Variants in SLC22A24 observed in about 807,000 individuals in gnomAD.
SLC22A24 encodes the protein steroid transmembrane transporter SLC22A24.
Under a neutral mutation model 49.8 loss-of-function variants are expected in SLC22A24, and 53 were observed. The observed-to-expected ratio is 1.06, with a 90% CI of 0.85 to 1.34. SLC22A24 has a LOEUF of 1.34. Among genes scored for constraint, SLC22A24 ranks in the 40% most tolerant of loss-of-function variants. The pLI is 0.00. For missense variants in SLC22A24, 786 were observed against 675.9 expected (o/e 1.16, Z -1.81); for synonymous variants, 302 against 256.4 (o/e 1.18, Z -1.70).
chr11:63,080,497 T>G (rs1447555665), intron 9 of SLC22A24, among the ~76,000 whole-genome samples: 1 of 152,298 alleles, frequency 6.6e-6, no homozygotes, highest in African/African-American at 2.4e-5. Flanking sequence ...TAATTAGGTA[T>G]GAGGCAATCT....
intron 6 of SLC22A24, among the ~76,000 whole-genome samples, chr11:63,084,200 T>C (rs1285234964): frequency 6.6e-6 from 1 of 152,204 alleles, no homozygotes; most frequent in Non-Finnish European, 1.5e-5. Flanking sequence ...TTTCCATGTG[T>C]TTCCTGGACT....
rs1401037455 is a variant in SLC22A24 at position 63,081,591 on chromosome 11, A to G, written c.1361T>C (p.Val454Ala). The G allele has an allele frequency of 6.4e-7, 1 of 1,551,526 alleles. No homozygotes were observed. The highest frequency in any genetic ancestry group is 2.0e-5 in the Admixed American group (1 of 50,990). ...GGTGGGGACGAGCTCGTTGTGGTGG[A>G]CAGAAGCACTGTTGCTAGCAGCAGA... Reference protein sequence around the residue: ...SVSAASNSASVHHNELVPTIL... With the variant: ...SVSAASNSASAHHNELVPTIL... Residue 454 changes from valine (V) to alanine (A), a missense_variant, in exon 8 of 10, where the codon GTC (valine) becomes GCC (alanine). Transcript: ENST00000612278.
At chr11:63,097,454 G>A (rs1423871156) in intron 5 of SLC22A24, among the ~76,000 whole-genome samples, 2 of 152,254 alleles carry the variant, frequency 1.3e-5, no homozygotes, top group East Asian at 1.9e-4. Context: ...TGGAGAAATA[G>A]GAATGCTTTT....
intron 2 of SLC22A24, among the ~76,000 whole-genome samples, chr11:63,121,969 G>A (rs1210469477): frequency 6.6e-6 from 1 of 151,970 alleles, no homozygotes; most frequent in African/African-American, 2.4e-5. Context: ...GTGAAAGATG[G>A]GAATAGAAAC....
intron 2 of SLC22A24, among the ~76,000 whole-genome samples, chr11:63,125,844 G>A (rs1469729705): frequency 6.6e-6 from 1 of 152,082 alleles, no homozygotes; most frequent in East Asian, 1.9e-4. Flanking sequence ...TTAAATGATT[G>A]CCATTCTAAC....
Position 63,087,553 on chromosome 11 carries a change from G to A in SLC22A24, c.1071-4096C>T, listed in dbSNP as rs547374736. Among the ~76,000 whole-genome samples, 18 of 152,328 alleles carry A rather than the reference G, an allele frequency of 1.2e-4. No homozygotes were observed. The South Asian group carries it at 3.3e-3, about 28-fold the overall frequency. The stretch of plus-strand genomic sequence containing the variant: ...ATTTTTTCATATTCCAGTGGTGCCT[G>A]GAACCTTAGCAAGACAGAACCATTT... On this transcript the variant is annotated intron_variant, in intron 6 of 9. Coordinates refer to ENST00000612278, the MANE Select transcript of SLC22A24 (RefSeq NM_001136506.2).
intron 5 of SLC22A24, among the ~76,000 whole-genome samples, chr11:63,098,513 C>T (rs2134646973): frequency 6.6e-6 from 1 of 151,884 alleles, no homozygotes; most frequent in African/African-American, 2.4e-5. Flanking sequence ...ACTAAAAATG[C>T]AAAAATTAGC....
Position 63,083,250 on chromosome 11 carries a change from C to A in SLC22A24, c.1278G>T (p.Leu426Phe). 1 of 1,554,008 alleles carries A rather than the reference C, an allele frequency of 6.4e-7. No homozygotes were observed. The highest frequency in any genetic ancestry group is 1.2e-5 in the South Asian group (1 of 84,104). ...AACTCCTGTCTCTCTCACCTTGGGG[C>A]AAAAAGGTGTTGACCAGAATGAAAA... ...VGLFILVNTF[L>F]PQEMQILRVV... is the part of the protein sequence containing the mutation. The change falls in exon 7 of 10, where the codon TTG becomes TTT. Residue 426 changes from leucine (L) to phenylalanine (F), a missense_variant. Physicochemically the swap from Leu to Phe is conservative, Grantham distance 22 (BLOSUM62 0). Transcript: ENST00000612278.
At chr11:63,125,415 TTC>T (rs2087283090) in intron 2 of SLC22A24, among the ~76,000 whole-genome samples, 1 of 152,200 alleles carries the variant, frequency 6.6e-6, no homozygotes, top group African/African-American at 2.4e-5. Flanking sequence ...GTGTTTAGTT[TTC>T]TGTTCCTGTG....
intron 1 of SLC22A24, among the ~76,000 whole-genome samples, chr11:63,142,812 G>A (rs1405650764): frequency 6.6e-6 from 1 of 151,992 alleles, no homozygotes; most frequent in Non-Finnish European, 1.5e-5. Context: ...AGCACTCTTG[G>A]CTCACTGGCT....
At chr11:63,134,837 C>T (rs1447557058) in intron 1 of SLC22A24, 69 bp from the exon 2 acceptor site, 2 of 1,036,970 alleles carry the variant, frequency 1.9e-6, no homozygotes, top group Non-Finnish European at 2.9e-6. Context: ...AAACTGACTC[C>T]AAACTCCTAC....
intron 2 of SLC22A24, among the ~76,000 whole-genome samples, chr11:63,129,175 G>A (rs758789981): frequency 1.3e-5 from 2 of 152,180 alleles, no homozygotes; most frequent in Non-Finnish European, 1.5e-5. Flanking sequence ...AAGGGATCCA[G>A]TTTTAGCTTT....
At chr11:63,101,272 T>C (rs972078970) in intron 5 of SLC22A24, among the ~76,000 whole-genome samples, 11 of 151,948 alleles carry the variant, frequency 7.2e-5, no homozygotes, top group Non-Finnish European at 1.5e-5. Context: ...AAACTGAAGA[T>C]AGAACTACCA....
chr11:63,089,077 C>A (rs2087003670), intron 6 of SLC22A24, among the ~76,000 whole-genome samples: 1 of 152,068 alleles, frequency 6.6e-6, no homozygotes, highest in Admixed American at 6.6e-5. Context: ...CAGAGAACAA[C>A]ACTAAGATAC....
Position 63,116,309 on chromosome 11 carries a change from G to A in SLC22A24, c.830+2603C>T, listed in dbSNP as rs138152364. ...TTCTGTGCCATTTTTCGGACTGGTT[G>A]TGTTTGGTATGGTTCTTGGACTTGG... On this transcript the variant is annotated intron_variant, in intron 4 of 9. Transcript: ENST00000612278. 58 of 233,920 alleles carry A rather than the reference G, an allele frequency of 2.5e-4. No individual in the cohort carries two copies. The East Asian group carries it at 5.1e-3, about 21-fold the overall frequency. The allele number at this position is 233,920 out of a possible 1,614,324, so 14.5% of individuals were successfully genotyped here.
chr11:63,125,790 T>G (rs1366955022), intron 2 of SLC22A24, among the ~76,000 whole-genome samples: 1 of 152,156 alleles, frequency 6.6e-6, no homozygotes, highest in Non-Finnish European at 1.5e-5. Flanking sequence ...AAAAGTGTTC[T>G]TATTTCTCCA....
chr11:63,138,512 G>T (rs1321720737), intron 1 of SLC22A24, among the ~76,000 whole-genome samples: 1 of 151,606 alleles, frequency 6.6e-6, no homozygotes, highest in Non-Finnish European at 1.5e-5. Context: ...TGTGGTGGCG[G>T]GCACCTGTAG....
At chr11:63,135,611 A>T (rs1016620086) in intron 1 of SLC22A24, among the ~76,000 whole-genome samples, 1 of 152,236 alleles carries the variant, frequency 6.6e-6, no homozygotes, top group Non-Finnish European at 1.5e-5. Context: ...TGGTTATGTT[A>T]TCAGTCATTG....
chr11:63,083,636 A>G (rs1008873230), intron 6 of SLC22A24, among the ~76,000 whole-genome samples, 179 bp from the exon 7 acceptor site: 1 of 152,196 alleles, frequency 6.6e-6, no homozygotes, highest in African/African-American at 2.4e-5. Context: ...TTTTCAGACA[A>G]TGGTCTTAAA....
Sources: gnomAD v4.1 joint callset for allele counts (sites outside exome capture counted in the v4.1 genomes callset) on GRCh38, gnomAD v4.1.1 for gene constraint, MANE v1.5 for transcripts, NCBI Gene and HGNC (gene_info 2026-07-23, HGNC 2026-07-21) for gene names.